Variants in SMG6 observed in about 807,000 individuals in gnomAD.
SMG6 encodes the protein SMG6 nonsense mediated mRNA decay factor.
In SMG6, 66 loss-of-function variants were observed where a neutral mutation model predicts 142.2. The observed-to-expected ratio is 0.46, with a 90% confidence interval of 0.38 to 0.57. The LOEUF (loss-of-function observed/expected upper bound fraction) is 0.57, where lower values mean the gene tolerates loss of function less well. Among genes scored for constraint, SMG6 ranks in the 20% least tolerant of loss-of-function variants. The pLI is 0.00. For synonymous variants in SMG6, 779 were observed against 702.4 expected, an observed-to-expected ratio of 1.11 and a Z score of -1.72; for missense variants, 1,793 against 1,832.0, an observed-to-expected ratio of 0.98 and a Z score of 0.39.
chr17:2,221,663 G>A (rs1332528483), intron 10 of SMG6, among the ~76,000 whole-genome samples: 1 of 152,226 alleles, frequency 6.6e-6, no homozygotes, highest in African/African-American at 2.4e-5. Context: ...AGGAAAGACA[G>A]TAAGATTATG....
intron 13 of SMG6, among the ~76,000 whole-genome samples, chr17:2,099,270 T>C (rs896432526): frequency 1.3e-5 from 2 of 151,896 alleles, no homozygotes; most frequent in African/African-American, 4.8e-5. Context: ...TGCTACCTTC[T>C]GTTTGGGGGG....
chr17:2,061,481 G>T lies in SMG6; in HGVS notation c.*11C>A, dbSNP rs1384145254. 1.3e-6 allele frequency: 2 copies of T among 1,554,488 alleles called. No individual in the cohort carries two copies. Among genetic ancestry groups the T allele is most frequent in the East Asian group, 2.4e-5 (1 of 41,980 alleles). ...ACGGTTCCACGGGGGGGGGGCCCCA[G>T]TGTGGCTCCCTCAGCCCACCTGGGC... On this transcript the variant is annotated 3_prime_UTR_variant, in exon 19 of 19. Transcript: ENST00000263073.
At chr17:2,233,937 C>T (rs1415028182) in intron 10 of SMG6, among the ~76,000 whole-genome samples, 1 of 152,248 alleles carries the variant, frequency 6.6e-6, no homozygotes, top group Non-Finnish European at 1.5e-5. Context: ...GTGTTATATC[C>T]TGTGGCCTGG....
At chr17:2,206,655 C>T (rs979679750) in intron 10 of SMG6, among the ~76,000 whole-genome samples, 5 of 151,972 alleles carry the variant, frequency 3.3e-5, no homozygotes, top group Admixed American at 6.6e-5. Flanking sequence ...CCAAGGCAGG[C>T]GGATTGCCTG....
chr17:2,071,520 G>C lies in SMG6; in HGVS notation c.3682-2589C>G, dbSNP rs1048282054. Among the ~76,000 whole-genome samples the C allele has an allele frequency of 6.6e-6, 1 of 152,212 alleles. No individual in the cohort carries two copies. ...AATAGGCCGCAGCCTTTCAGAGGGG[G>C]CTTCCCTGGGTGTGGGGTGGGGCCA... On this transcript the variant is annotated intron_variant, in intron 15 of 18. Transcript: ENST00000263073. The surrounding 1 kb of genome is among the most constrained non-coding windows in gnomAD (Gnocchi z 5.6).
In SMG6 at chr17:2,071,060, T is replaced by C. The variant is rs748090545; in HGVS notation, c.3682-2129A>G. 1.6e-4 allele frequency among the ~76,000 whole-genome samples: 24 copies of C among 152,180 alleles called. No homozygotes were observed. Among genetic ancestry groups the C allele is most frequent in the Admixed American group, 7.2e-4 (11 of 15,280 alleles). On this transcript the variant is annotated intron_variant, in intron 15 of 18. Transcript: ENST00000263073. This position sits in a 1 kb window ranked among gnomAD's most constrained non-coding sequence, Gnocchi z 5.6. The stretch of plus-strand genomic sequence containing the variant: ...TGGTACCGTGGCTCTCAAATCTGTC[T>C]TTCTGGGTGAGCAGGGACAGAACAA...
intron 10 of SMG6, among the ~76,000 whole-genome samples, chr17:2,217,553 A>G (rs2073052335): frequency 1.3e-5 from 2 of 152,060 alleles, no homozygotes; most frequent in South Asian, 2.1e-4. Context: ...GGATTTTTCT[A>G]TTCCATCTTT....
rs755577039 is a variant in SMG6 at position 2,299,161 on chromosome 17, G to A, written c.1592C>T (p.Pro531Leu). ...PYTGYNPLQY[P>L]VGPTNGVYPG... Reference sequence around the variant, plus strand: ...GTACACACCATTCGTAGGGCCCACTGGGTACTGTAGAGGGTTATAGCCCGT... The same window carrying A: ...GTACACACCATTCGTAGGGCCCACTAGGTACTGTAGAGGGTTATAGCCCGT... The change falls in exon 2 of 19, where the codon CCA becomes CTA. Residue 531 changes from proline to leucine, a missense_variant. By Grantham distance (98) the Pro-to-Leu change is moderately conservative. This residue lies in a region of SMG6 where 1,597 missense variants were observed against 1,584.6 expected (regional missense o/e 1.01). Transcript: ENST00000263073. The surrounding 1 kb of genome is among the most constrained non-coding windows in gnomAD (Gnocchi z 4.3). The A allele has an allele frequency of 6.2e-7, 1 of 1,612,718 alleles. No individual in the cohort carries two copies. The highest frequency in any genetic ancestry group is 1.3e-5 in the African/African-American group (1 of 74,872).
At position 2,281,820 on chromosome 17, in the gene SMG6, C is replaced by G. The variant is rs531908809; in HGVS notation, c.2661+827G>C. ...GCAACGAACCAGCCACTGCAGTTTTCCACCTACCGTGCTCTCTCTCCCCCA... is the reference window on the plus strand; with the variant it reads ...GCAACGAACCAGCCACTGCAGTTTTGCACCTACCGTGCTCTCTCTCCCCCA... On this transcript the variant is annotated intron_variant, in intron 8 of 18. Transcript: ENST00000263073. Among the ~76,000 whole-genome samples, 4 of 152,300 alleles carry G rather than the reference C, an allele frequency of 2.6e-5. No individual in the cohort carries two copies. In the South Asian group the frequency reaches 8.3e-4, roughly 32 times the overall value.
intron 13 of SMG6, among the ~76,000 whole-genome samples, chr17:2,143,437 T>C (rs1397452410): frequency 1.3e-5 from 2 of 152,162 alleles, no homozygotes; most frequent in Non-Finnish European, 2.9e-5. Context: ...GTGACATGGA[T>C]GAACCTTAAA....
chr17:2,161,254 A>G (rs1428246388), intron 13 of SMG6, among the ~76,000 whole-genome samples: 1 of 151,880 alleles, frequency 6.6e-6, no homozygotes, highest in South Asian at 2.1e-4. Context: ...ACAGGCGTGC[A>G]TCACCAAGCC....
At chr17:2,197,691 A>G (rs1354388725) in intron 10 of SMG6, among the ~76,000 whole-genome samples, 1 of 152,232 alleles carries the variant, frequency 6.6e-6, no homozygotes, top group African/African-American at 2.4e-5. Context: ...ATATTTCATC[A>G]AAGAGGATAT....
intron 12 of SMG6, among the ~76,000 whole-genome samples, chr17:2,176,809 T>C (rs2071666087): frequency 6.6e-6 from 1 of 152,156 alleles, no homozygotes. Flanking sequence ...CAGCAGTGAC[T>C]AGTTACAAGT....
In SMG6 at chr17:2,077,723, C is replaced by T. The variant is rs777129513; in HGVS notation, c.3681+4087G>A. Among the ~76,000 whole-genome samples, 3 of 152,124 alleles carry T rather than the reference C, an allele frequency of 2.0e-5. 1 individual carries two copies. The highest frequency in any genetic ancestry group is 3.8e-4 in the East Asian group (2 of 5,200). ...TTTGCTATGTTGCAGTGGTTATTCA[C>T]GGGCATGATCACTGCACACCATAGC... On this transcript the variant is annotated intron_variant, in intron 15 of 18. Coordinates refer to ENST00000263073, the MANE Select transcript of SMG6 (RefSeq NM_017575.5).
chr17:2,242,687 TTTAA>T (rs1175267783), intron 9 of SMG6, among the ~76,000 whole-genome samples: 15 of 45,396 alleles, frequency 3.3e-4, no homozygotes, highest in African/African-American at 1.1e-3. Flanking sequence ...GCTCCATCTC[TTTAA>T]AAAAAAAAAA....
chr17:2,144,416 G>T (rs1008799421), intron 13 of SMG6, among the ~76,000 whole-genome samples: 1 of 151,844 alleles, frequency 6.6e-6, no homozygotes, highest in African/African-American at 2.4e-5. Flanking sequence ...CATGTTTCCC[G>T]GGCGGGTCTG....
At position 2,298,911 on chromosome 17, in the gene SMG6, T is replaced by C. The variant is rs2075205497; in HGVS notation, c.1842A>G (p.Gln614=). 2 of 1,612,420 alleles carry C rather than the reference T, an allele frequency of 1.2e-6. No individual in the cohort carries two copies. The highest frequency in any genetic ancestry group is 8.5e-7 in the Non-Finnish European group (1 of 1,179,064). ...CAGAATAGACCACATCATACCTGAG[T>C]TGCGCCATCTTCTCCAGGCCCTCCG... ...ISPEGLEKMA[Q]LRAELLQLYE... The change falls in exon 2 of 19, where the codon CAA becomes CAG. Residue 614 remains glutamine, a synonymous_variant. Transcript: ENST00000263073.
chr17:2,108,481 C>T (rs554334779), intron 13 of SMG6, among the ~76,000 whole-genome samples: 82 of 152,180 alleles, frequency 5.4e-4, no homozygotes, highest in African/African-American at 1.9e-3. Context: ...ACCAGGCCCA[C>T]GCCTGCAAAC....
intron 12 of SMG6, among the ~76,000 whole-genome samples, chr17:2,183,745 G>GACACACACACACACACACAC (rs56210030): frequency 1.4e-5 from 2 of 146,328 alleles, no homozygotes; most frequent in Non-Finnish European, 3.0e-5. Context: ...AGGTGCGTGC[G>GACACACACACACACACACAC]ACACACACAC....
Sources: gnomAD v4.1 joint callset for allele counts (sites outside exome capture counted in the v4.1 genomes callset) on GRCh38, gnomAD v4.1.1 for gene constraint, gnomAD v4.1.1 regional missense constraint, Gnocchi (gnomAD v3.1) non-coding constraint, MANE v1.5 for transcripts, NCBI Gene and HGNC (gene_info 2026-07-23, HGNC 2026-07-21) for gene names.